Variants in IFT74 observed in about 807,000 individuals in gnomAD.
The protein encoded by IFT74 is intraflagellar transport protein 74 homolog.
IFT74 carries 92 observed loss-of-function variants against 96.7 expected under a neutral mutation model. That is an observed-to-expected ratio of 0.95 (90% CI 0.80 to 1.13). The LOEUF (loss-of-function observed/expected upper bound fraction) is 1.13, where lower values mean the gene tolerates loss of function less well. Ranked by LOEUF, IFT74 falls within the 50% of genes most tolerant of loss-of-function variation. The pLI, the probability that IFT74 is intolerant of heterozygous loss-of-function variation, is 0.00. For missense variants in IFT74, 811 were observed against 698.2 expected (o/e 1.16, Z -1.82); for synonymous variants, 223 against 213.2 (o/e 1.05, Z -0.40).
intron 11 of IFT74, among the ~76,000 whole-genome samples, chr9:27,018,227 A>G (rs1467559300): frequency 6.6e-6 from 1 of 152,200 alleles, no homozygotes; most frequent in Non-Finnish European, 1.5e-5. Flanking sequence ...GGATATTCCA[A>G]ATATTACATG....
At chr9:26,971,983 C>A (rs1199886324) in intron 2 of IFT74, among the ~76,000 whole-genome samples, 6 of 152,194 alleles carry the variant, frequency 3.9e-5, no homozygotes, top group Non-Finnish European at 8.8e-5. Context: ...CCATCAGTTA[C>A]TGAATACCCA....
chr9:26,999,770 C>CTTTTTTTTTTTTTT (rs1179000269), intron 8 of IFT74: 5 of 340,202 alleles, frequency 1.5e-5, no homozygotes, highest in African/African-American at 1.4e-4. Flanking sequence ...TCTGTTTATT[C>CTTTTTTTTTTTTTT]TTTTTTTTTT....
rs1830007499 is a variant in IFT74, at chr9:27,029,122, T to G, written c.1054+18T>G. On this transcript the variant is annotated intron_variant, in intron 13 of 19. Coordinates refer to ENST00000380062, the MANE Select transcript of IFT74 (RefSeq NM_025103.4). Reference sequence around the variant, plus strand: ...ACACCAAGGTATGCTTCTGGTATTTTTATAATGTAGATTAACAGATGTTTA... The same window carrying G: ...ACACCAAGGTATGCTTCTGGTATTTGTATAATGTAGATTAACAGATGTTTA... 3.2e-6 allele frequency: 5 copies of G among 1,570,772 alleles called. No homozygotes were observed. The highest frequency in any genetic ancestry group is 4.3e-6 in the Non-Finnish European group (5 of 1,150,842).
chr9:26,999,030 C>G (rs1461738355), intron 8 of IFT74, among the ~76,000 whole-genome samples: 1 of 152,108 alleles, frequency 6.6e-6, no homozygotes, highest in Admixed American at 6.5e-5. Flanking sequence ...TGAATAAACT[C>G]TCTGGTTTAA....
Position 26,980,559 on chromosome 9 carries a change from A to AT in IFT74, c.257-3dup, listed in dbSNP as rs755949918. 354 of 1,535,830 alleles carry AT rather than the reference A, an allele frequency of 2.3e-4. No homozygotes were observed. Among genetic ancestry groups the AT allele is most frequent in the Non-Finnish European group, 2.9e-4 (319 of 1,116,246 alleles). On this transcript the variant is annotated splice_polypyrimidine_tract_variant and intron_variant, in intron 3 of 19. Coordinates refer to ENST00000380062, the MANE Select transcript of IFT74 (RefSeq NM_025103.4). ...CGAACTGAACACTAACACTTAAAAC[A>AT]TTTTTTTTTAGGTCCCCAGAGGCAA...
chr9:26,962,014 G>A lies in IFT74; in HGVS notation c.47G>A (p.Gly16Asp), dbSNP rs1356476250. 2 of 1,614,044 alleles carry A rather than the reference G, an allele frequency of 1.2e-6. No individual in the cohort carries two copies. Among genetic ancestry groups the A allele is most frequent in the East Asian group, 2.2e-5 (1 of 44,898 alleles). Residue 16 changes from glycine to aspartate, a missense_variant, in exon 2 of 20, where the codon GGT becomes GAT. By Grantham distance (94) the Gly-to-Asp change is moderately conservative. Coordinates refer to ENST00000380062, the MANE Select transcript of IFT74 (RefSeq NM_025103.4). ...KSSAARPVSR[G>D]GVGLTGRPPS... ...TCAGCAGCTCGCCCTGTTTCAAGAG[G>A]TGGAGTTGGGTTAACAGGAAGGCCT... is the stretch of plus-strand genomic sequence containing the variant.
intron 15 of IFT74, 68 bp downstream of exon 15, chr9:27,047,439 CA>C: frequency 1.1e-6 from 1 of 883,832 alleles, no homozygotes. Flanking sequence ...AAATACAACT[CA>C]AAAAATAGAA....
intron 8 of IFT74, among the ~76,000 whole-genome samples, chr9:27,007,687 T>C (rs1421711834): frequency 6.6e-6 from 1 of 152,168 alleles, no homozygotes; most frequent in African/African-American, 2.4e-5. Context: ...TATGAATGTG[T>C]AGAAGGTGTG....
At chr9:26,953,712 T>C (rs1473622262), upstream of IFT74, among the ~76,000 whole-genome samples, 1 of 152,164 alleles carries the variant, frequency 6.6e-6, no homozygotes, top group African/African-American at 2.4e-5. Flanking sequence ...GGTCTCACTA[T>C]GTTGCCCAGG....
At chr9:26,998,181 C>A in intron 8 of IFT74, 1 of 1,570,578 alleles carries the variant, frequency 6.4e-7, no homozygotes, top group Non-Finnish European at 8.7e-7. Context: ...ATAGTAACAT[C>A]TTTCTTGATA....
chr9:27,011,844 C>G lies in IFT74; in HGVS notation c.727-62C>G, dbSNP rs946079904. 9.4e-5 allele frequency: 101 copies of G among 1,070,890 alleles called. 1 individual carries two copies. Among genetic ancestry groups the G allele is most frequent in the South Asian group, 8.1e-4 (43 of 52,870 alleles). The allele number at this position is 1,070,890 out of a possible 1,614,324, so 66.3% of individuals were successfully genotyped here. The stretch of plus-strand genomic sequence containing the variant: ...ATTTTTTTTCCCAGCTCCCTCCCCC[C>G]ACTACAACAAATTATTCTTAATGTA... On this transcript the variant is annotated intron_variant, in intron 9 of 19. Transcript: ENST00000380062.
At chr9:26,983,841 T>C (rs112219291) in intron 4 of IFT74, 3 of 148,942 alleles carry the variant, frequency 2.0e-5, no homozygotes, top group Non-Finnish European at 4.4e-5. Context: ...TGGAGTGTAG[T>C]GGCACGATCT....
At chr9:26,965,740 GTGAACAC>G (rs1005039491) in intron 2 of IFT74, among the ~76,000 whole-genome samples, 1 of 152,038 alleles carries the variant, frequency 6.6e-6, no homozygotes, top group African/African-American at 2.4e-5. Flanking sequence ...CACCTGAATA[GTGAACAC>G]TGTACCCAAT....
At chr9:27,040,594 G>A (rs374452767) in intron 13 of IFT74, among the ~76,000 whole-genome samples, 16 of 150,138 alleles carry the variant, frequency 1.1e-4, no homozygotes, top group African/African-American at 2.2e-4. Context: ...GAGACTTTGC[G>A]TGCTTCAGAA....
At chr9:26,984,706 C>T in intron 6 of IFT74, 147 bp downstream of exon 6, 3 of 604,550 alleles carry the variant, frequency 5.0e-6, no homozygotes, top group Non-Finnish European at 5.8e-6. Context: ...TGAAAAGAAG[C>T]TCATCATCAC....
intron 13 of IFT74, among the ~76,000 whole-genome samples, chr9:27,043,487 C>T (rs1819561083): frequency 6.6e-6 from 1 of 152,194 alleles, no homozygotes; most frequent in Admixed American, 6.5e-5. Flanking sequence ...CTCAGTTTTT[C>T]TTACAGTGAA....
intron 12 of IFT74, among the ~76,000 whole-genome samples, chr9:27,025,158 G>A (rs1274969177): frequency 6.6e-6 from 1 of 151,886 alleles, no homozygotes; most frequent in Non-Finnish European, 1.5e-5. Context: ...ATATAAGAAT[G>A]TCATGGCTGA....
At chr9:27,011,117 G>T (rs777995471) in intron 9 of IFT74, among the ~76,000 whole-genome samples, 1 of 152,154 alleles carries the variant, frequency 6.6e-6, no homozygotes, top group Non-Finnish European at 1.5e-5. Flanking sequence ...GCCAGGCATG[G>T]TAGCAGGCCC....
At chr9:26,955,086 GTTAA>G (rs1826037692), upstream of IFT74, among the ~76,000 whole-genome samples, 2 of 152,228 alleles carry the variant, frequency 1.3e-5, no homozygotes, top group South Asian at 4.1e-4. Context: ...AATTTCAACT[GTTAA>G]TATCTGTCAG....
Sources: allele counts gnomAD v4.1 joint callset (sites outside exome capture counted in the v4.1 genomes callset), GRCh38; gene constraint gnomAD v4.1.1; transcripts MANE v1.5; gene names NCBI Gene and HGNC (gene_info 2026-07-23, HGNC 2026-07-21).